The following ROBO2 variants were observed in gnomAD, a reference collection of about 807,000 sequenced individuals.
The protein encoded by ROBO2 is roundabout guidance receptor 2.
ROBO2 carries 53 observed loss-of-function variants against 160.8 expected under a neutral mutation model. The ratio of observed to expected loss-of-function variants is 0.33; its 90% CI spans 0.26 to 0.41. ROBO2 has a LOEUF of 0.41. Ranked by LOEUF, ROBO2 falls within the 10% of genes least tolerant of loss-of-function variation. ROBO2 has a pLI of 1.00. For synonymous variants in ROBO2, 664 were observed against 611.7 expected (o/e 1.09, Z -1.26); for missense variants, 1,577 against 1,722.4 (o/e 0.92, Z 1.49).
chr3:75,922,193 C>G (rs183227374), intron 1 of ROBO2, among the ~76,000 whole-genome samples: 1 of 152,198 alleles, frequency 6.6e-6, no homozygotes, highest in Non-Finnish European at 1.5e-5. Context: ...AGATAATTGG[C>G]TATATGTATT....
intron 2 of ROBO2, among the ~76,000 whole-genome samples, chr3:76,887,297 C>A (rs955685773): frequency 3.5e-5 from 5 of 144,768 alleles, no homozygotes. Context: ...TTAGGCAAAT[C>A]CCCTGATTTT....
intron 2 of ROBO2, among the ~76,000 whole-genome samples, chr3:77,194,797 G>T (rs2082168058): frequency 6.6e-6 from 1 of 151,938 alleles, no homozygotes; most frequent in African/African-American, 2.4e-5. Context: ...TGCATTATTG[G>T]GTTATTAGAA....
intron 2 of ROBO2, among the ~76,000 whole-genome samples, chr3:76,076,356 T>C (rs1272127174): frequency 6.6e-6 from 1 of 152,190 alleles, no homozygotes; most frequent in Non-Finnish European, 1.5e-5. Flanking sequence ...CATCAGCAAA[T>C]ATATCCTCTG....
intron 2 of ROBO2, among the ~76,000 whole-genome samples, chr3:77,348,046 C>G (rs929396209): frequency 2.6e-5 from 4 of 151,988 alleles, no homozygotes; most frequent in Admixed American, 1.3e-4. Flanking sequence ...TTTTATACAC[C>G]TTTTTTTCCT....
chr3:76,812,034 C>G (rs531616230), intron 2 of ROBO2, among the ~76,000 whole-genome samples: 1 of 151,790 alleles, frequency 6.6e-6, no homozygotes, highest in Non-Finnish European at 1.5e-5. Context: ...CCATGCCCAG[C>G]TAATTTTTGT....
At chr3:76,221,442 C>T (rs866974550) in intron 2 of ROBO2, among the ~76,000 whole-genome samples, 12 of 137,630 alleles carry the variant, frequency 8.7e-5, no homozygotes, top group East Asian at 2.2e-4. Flanking sequence ...CTCAGGGTGA[C>T]GGTGAGCAGT....
chr3:76,843,135 A>T (rs573219801), intron 2 of ROBO2, among the ~76,000 whole-genome samples: 1 of 151,614 alleles, frequency 6.6e-6, no homozygotes, highest in Non-Finnish European at 1.5e-5. Flanking sequence ...TTTAAATGCC[A>T]TCAATCACAG....
chr3:77,530,398 C>A (rs2153634212), intron 6 of ROBO2, among the ~76,000 whole-genome samples: 1 of 151,976 alleles, frequency 6.6e-6, no homozygotes, highest in South Asian at 2.1e-4. Context: ...TTACAAACCC[C>A]CAAACTGAGA....
chr3:76,347,299 A>C (rs966134505), intron 2 of ROBO2, among the ~76,000 whole-genome samples: 2 of 152,144 alleles, frequency 1.3e-5, no homozygotes, highest in Non-Finnish European at 2.9e-5. Flanking sequence ...CAGCCAAAAA[A>C]CTGTAATGAG....
chr3:76,330,626 A>G lies in ROBO2; in HGVS notation c.109+393024A>G, dbSNP rs150185293. On this transcript the variant is annotated intron_variant, in intron 2 of 26. Coordinates refer to the ROBO2 transcript ENST00000487694. ...TGGTTAAAAAATAAAATAAAAGATCATCATTAAGAGCAATTTGTGCAAGAA... is the reference window on the plus strand; with the variant it reads ...TGGTTAAAAAATAAAATAAAAGATCGTCATTAAGAGCAATTTGTGCAAGAA... Among the ~76,000 whole-genome samples the G allele has an allele frequency of 1.4e-3, 219 of 152,366 alleles. 1 individual carries two copies. Among genetic ancestry groups the G allele is most frequent in the African/African-American group, 5.0e-3 (210 of 41,594 alleles).
intron 2 of ROBO2, among the ~76,000 whole-genome samples, chr3:76,268,302 G>GA (rs1707221133): frequency 6.6e-6 from 1 of 152,068 alleles, no homozygotes; most frequent in African/African-American, 2.4e-5. Flanking sequence ...GAGGAGAGGG[G>GA]ATGCTATAAG....
chr3:75,972,376 T>G (rs1185998840), intron 2 of ROBO2, among the ~76,000 whole-genome samples: 1 of 151,634 alleles, frequency 6.6e-6, no homozygotes, highest in Non-Finnish European at 1.5e-5. Flanking sequence ...GGACCTTGTT[T>G]CAATGAAGGA....
chr3:76,463,801 G>T (rs1196365204), intron 2 of ROBO2, among the ~76,000 whole-genome samples: 1 of 152,134 alleles, frequency 6.6e-6, no homozygotes, highest in African/African-American at 2.4e-5. Context: ...AAAACACAAA[G>T]TAGCTCACTG....
intron 2 of ROBO2, among the ~76,000 whole-genome samples, chr3:77,208,767 GA>G (rs1304184963): frequency 6.6e-6 from 1 of 152,114 alleles, no homozygotes; most frequent in Non-Finnish European, 1.5e-5. Context: ...ATTTCTTGAG[GA>G]GAAGAAAGAA....
At chr3:77,475,466 T>G (rs1239048851) in intron 2 of ROBO2, among the ~76,000 whole-genome samples, 2 of 152,188 alleles carry the variant, frequency 1.3e-5, no homozygotes, top group Non-Finnish European at 2.9e-5. Flanking sequence ...AACGTTGTAT[T>G]TCTGAATGAT....
At chr3:76,224,888 C>T (rs1203276814) in intron 2 of ROBO2, among the ~76,000 whole-genome samples, 5 of 152,176 alleles carry the variant, frequency 3.3e-5, no homozygotes, top group African/African-American at 1.2e-4. Context: ...TTTCCCCCTT[C>T]CCTGACCAGG....
At chr3:76,172,449 AAAAAAG>A (rs1025756546) in intron 2 of ROBO2, among the ~76,000 whole-genome samples, 1 of 151,586 alleles carries the variant, frequency 6.6e-6, no homozygotes, top group Non-Finnish European at 1.5e-5. Flanking sequence ...AAAAAAAAAA[AAAAAAG>A]AAAACTACTG....
intron 23 of ROBO2, among the ~76,000 whole-genome samples, chr3:77,624,527 T>A (rs2153707642): frequency 6.6e-6 from 1 of 152,204 alleles, no homozygotes; most frequent in Non-Finnish European, 1.5e-5. Context: ...ATTAGAGAAA[T>A]CAGCATGCCA....
intron 2 of ROBO2, among the ~76,000 whole-genome samples, chr3:77,192,840 G>A: frequency 6.6e-6 from 1 of 151,506 alleles, no homozygotes; most frequent in South Asian, 2.1e-4. Flanking sequence ...TTTAAGTAGA[G>A]ATGGGGCTTC....
Sources: allele counts gnomAD v4.1 joint callset (sites outside exome capture counted in the v4.1 genomes callset), GRCh38; gene constraint gnomAD v4.1.1; transcripts MANE v1.5; gene names NCBI Gene and HGNC (gene_info 2026-07-23, HGNC 2026-07-21).